Variants in SERGEF observed in about 807,000 individuals in gnomAD.
SERGEF encodes the protein secretion regulating guanine nucleotide exchange factor.
A neutral mutation model predicts 50.0 loss-of-function variants in SERGEF; 51 were observed. The ratio of observed to expected loss-of-function variants is 1.02; its 90% CI spans 0.81 to 1.29. The LOEUF is 1.29. Among genes scored for constraint, SERGEF ranks in the 50% most tolerant of loss-of-function variants. SERGEF has a pLI of 0.00. For synonymous variants in SERGEF, 205 were observed against 212.4 expected (o/e 0.97, Z 0.30); for missense variants, 521 against 557.0 (o/e 0.94, Z 0.65).
rs1284245257 is a variant in SERGEF, at chr11:17,888,677, ACG to A, written c.1012-10435_1012-10434del. ...CACACACACACACACACACACACAC[ACG>A]CATTGAGTTAAACCAACATGAAATT... On this transcript the variant is annotated intron_variant, in intron 9 of 10. Coordinates refer to ENST00000265965, the MANE Select transcript of SERGEF (RefSeq NM_012139.4). The surrounding 1 kb of genome is among the most constrained non-coding windows in gnomAD (Gnocchi z 4.1). 5.8e-3 allele frequency among the ~76,000 whole-genome samples: 831 copies of A among 144,194 alleles called. 8 individuals carry two copies. The highest frequency in any genetic ancestry group is 0.02 in the African/African-American group (795 of 38,934). The allele number at this position is 144,194 out of a possible 152,430, so 94.6% of individuals were successfully genotyped here.
intron 9 of SERGEF, chr11:17,926,748 C>T (rs1221713690): frequency 2.2e-6 from 1 of 456,102 alleles, no homozygotes; most frequent in Non-Finnish European, 4.4e-6. Context: ...CTTGCTATTA[C>T]TCCAAAAGAC....
At chr11:17,811,517 G>A (rs2237949) in intron 10 of SERGEF, among the ~76,000 whole-genome samples, 18,119 of 152,228 alleles carry the variant, frequency 0.12, 2,902 homozygotes, top group African/African-American at 0.37. Context: ...AAAACCCGTC[G>A]TTTCCCATTA....
chr11:17,829,986 G>T (rs1230093029), intron 10 of SERGEF, among the ~76,000 whole-genome samples: 1 of 152,222 alleles, frequency 6.6e-6, no homozygotes, highest in African/African-American at 2.4e-5. Context: ...GACAAGGACT[G>T]TAAAAAGGGC....
intron 10 of SERGEF, among the ~76,000 whole-genome samples, chr11:17,866,109 G>A (rs1424876382): frequency 1.3e-5 from 2 of 152,348 alleles, no homozygotes; most frequent in African/African-American, 4.8e-5. Flanking sequence ...CTGTCTCCCT[G>A]TCTGGCAAAC....
intron 9 of SERGEF, among the ~76,000 whole-genome samples, chr11:17,879,378 A>G (rs1451849810): frequency 1.3e-5 from 2 of 152,166 alleles, no homozygotes; most frequent in African/African-American, 4.8e-5. Context: ...TCCTGGCAAG[A>G]GGAATGTTTC....
At chr11:17,958,582 C>A (rs968060680) in intron 9 of SERGEF, among the ~76,000 whole-genome samples, 2 of 152,132 alleles carry the variant, frequency 1.3e-5, no homozygotes, top group Admixed American at 6.5e-5. Flanking sequence ...AAAATAAACA[C>A]GAGTATAAAA....
intron 9 of SERGEF, among the ~76,000 whole-genome samples, chr11:17,906,716 G>A (rs1590190013): frequency 1.3e-5 from 2 of 151,246 alleles, no homozygotes; most frequent in South Asian, 4.2e-4. Flanking sequence ...CGGCAGTGCA[G>A]TTTGTTACAA....
chr11:17,943,933 T>G (rs1260072110), intron 9 of SERGEF, among the ~76,000 whole-genome samples: 1 of 152,098 alleles, frequency 6.6e-6, no homozygotes, highest in East Asian at 1.9e-4. Context: ...TTTGGTTTAT[T>G]TGTTTGTTTT....
chr11:17,963,726 T>C (rs2670765), intron 8 of SERGEF, among the ~76,000 whole-genome samples: 96,114 of 152,074 alleles, frequency 0.63, 30,761 homozygotes, highest in African/African-American at 0.74. Flanking sequence ...CCGATATATG[T>C]ACATTAATTT....
chr11:17,796,229 A>G (rs1171694698), intron 10 of SERGEF, among the ~76,000 whole-genome samples: 1 of 152,218 alleles, frequency 6.6e-6, no homozygotes. Context: ...CCTAGGAGAC[A>G]CTGACCCAGG....
chr11:17,891,876 T>G (rs1851536033), intron 9 of SERGEF, among the ~76,000 whole-genome samples: 1 of 152,234 alleles, frequency 6.6e-6, no homozygotes. Flanking sequence ...GTATCTGTCC[T>G]ACTATTGGCT....
intron 10 of SERGEF, among the ~76,000 whole-genome samples, chr11:17,805,045 C>T (rs992005959): frequency 6.6e-6 from 1 of 152,188 alleles, no homozygotes; most frequent in Middle Eastern, 3.2e-3. Context: ...GTTGAAAATA[C>T]TGTCTGATGC....
Position 17,970,684 on chromosome 11 carries a change from C to A in SERGEF, c.845-11048G>T, listed in dbSNP as rs183644290. On this transcript the variant is annotated intron_variant, in intron 8 of 10. Coordinates refer to ENST00000265965, the MANE Select transcript of SERGEF (RefSeq NM_012139.4). ...ATTAAAAGTGCTTCGCTAGTGGACA[C>A]CCTAATGATAAGAAAGCAAAATGGC... is the stretch of plus-strand genomic sequence containing the variant. Among the ~76,000 whole-genome samples the A allele has an allele frequency of 3.3e-5, 5 of 152,254 alleles. No individual in the cohort carries two copies. The East Asian group carries it at 7.7e-4, about 23-fold the overall frequency.
intron 10 of SERGEF, among the ~76,000 whole-genome samples, chr11:17,860,564 GA>G (rs1409491199): frequency 6.6e-6 from 1 of 152,152 alleles, no homozygotes; most frequent in East Asian, 1.9e-4. Flanking sequence ...AAAAGAGTGG[GA>G]AAAGGTGAGG....
chr11:17,856,983 G>T (rs1219049260), intron 10 of SERGEF, among the ~76,000 whole-genome samples: 1 of 152,152 alleles, frequency 6.6e-6, no homozygotes, highest in Admixed American at 6.5e-5. Context: ...TCTACAATTT[G>T]GCATAGCACT....
chr11:17,813,632 T>G (rs1423817214), intron 10 of SERGEF, among the ~76,000 whole-genome samples: 6 of 152,204 alleles, frequency 3.9e-5, no homozygotes, highest in African/African-American at 1.4e-4. Context: ...CAAAAATCTT[T>G]CCTTACAGTC....
chr11:17,830,285 T>C (rs1156530747), intron 10 of SERGEF, among the ~76,000 whole-genome samples: 1 of 152,230 alleles, frequency 6.6e-6, no homozygotes, highest in African/African-American at 2.4e-5. Context: ...AAGTAGGGGA[T>C]GTTGAAGAAA....
intron 9 of SERGEF, among the ~76,000 whole-genome samples, chr11:17,942,364 T>C (rs369524511): frequency 1.3e-5 from 2 of 152,200 alleles, no homozygotes; most frequent in African/African-American, 4.8e-5. Context: ...TACTTTTTGA[T>C]ATAACTGTAA....
chr11:17,824,429 A>G (rs1010823427), intron 10 of SERGEF, among the ~76,000 whole-genome samples: 1 of 152,200 alleles, frequency 6.6e-6, no homozygotes, highest in Non-Finnish European at 1.5e-5. Context: ...AAACAGAGAG[A>G]TAGAAATAAT....
Sources: gnomAD v4.1 joint callset for allele counts (sites outside exome capture counted in the v4.1 genomes callset) on GRCh38, gnomAD v4.1.1 for gene constraint, Gnocchi (gnomAD v3.1) non-coding constraint, MANE v1.5 for transcripts, NCBI Gene and HGNC (gene_info 2026-07-23, HGNC 2026-07-21) for gene names.